Variants in PLCB3 observed in about 807,000 individuals in gnomAD.
PLCB3 encodes the protein phospholipase C beta 3, also known as 1-phosphatidylinositol 4,5-bisphosphate phosphodiesterase beta-3.
In PLCB3, 54 loss-of-function variants were observed where a neutral mutation model predicts 152.1. That is an observed-to-expected ratio of 0.36 (90% CI 0.29 to 0.45). The LOEUF (loss-of-function observed/expected upper bound fraction) is 0.45, where lower values mean the gene tolerates loss of function less well. PLCB3 is among the 20% of genes least tolerant of loss of function. PLCB3 has a pLI of 1.00. For missense variants in PLCB3, 1,248 were observed against 1,687.5 expected, an observed-to-expected ratio of 0.74 and a Z score of 4.56; for synonymous variants, 717 against 698.7, an observed-to-expected ratio of 1.03 and a Z score of -0.41.
chr11:64,257,864 T>G (rs532484583), intron 10 of PLCB3, among the ~76,000 whole-genome samples: 1 of 151,998 alleles, frequency 6.6e-6, no homozygotes, highest in African/African-American at 2.4e-5. Flanking sequence ...CTATAGAGAT[T>G]GGATTGAGGC....
chr11:64,252,726 G>T (rs1393319315), intron 1 of PLCB3, among the ~76,000 whole-genome samples: 3 of 152,154 alleles, frequency 2.0e-5, no homozygotes, highest in African/African-American at 7.2e-5. Context: ...CTCCCCCCAG[G>T]CTGGCCTGAA....
Position 64,258,397 on chromosome 11 carries a change from C to T in PLCB3, c.1013-76C>T. ...GAGCCCTCTGCAAATCCAGCATGTCCTGGTTCCAGGTGGGGCCGGGGTGGT... is the reference window on the plus strand; with the variant it reads ...GAGCCCTCTGCAAATCCAGCATGTCTTGGTTCCAGGTGGGGCCGGGGTGGT... On this transcript the variant is annotated intron_variant, in intron 10 of 30. Coordinates refer to ENST00000279230, the MANE Select transcript of PLCB3 (RefSeq NM_000932.5). The surrounding 1 kb of genome is among the most constrained non-coding windows in gnomAD (Gnocchi z 7.2). 1.3e-6 allele frequency: 2 copies of T among 1,532,868 alleles called. No homozygotes were observed. Among genetic ancestry groups the T allele is most frequent in the Non-Finnish European group, 1.8e-6 (2 of 1,136,046 alleles). The allele number at this position is 1,532,868 out of a possible 1,614,324, so 95.0% of individuals were successfully genotyped here.
Position 64,265,124 on chromosome 11 carries a change from G to C in PLCB3, c.2806+20G>C. The C allele has an allele frequency of 1.3e-6, 2 of 1,552,068 alleles. No individual in the cohort carries two copies. Among genetic ancestry groups the C allele is most frequent in the Non-Finnish European group, 1.7e-6 (2 of 1,145,486 alleles). ...GCCCAGGTAAGGAGTGGCCTGGGTC[G>C]GGGGTGGGCTGCAGGGAGGCACCCC... On this transcript the variant is annotated intron_variant, in intron 23 of 30. Transcript: ENST00000279230.
intron 14 of PLCB3, 75 bp downstream of exon 14, chr11:64,260,309 C>G (rs573245653): frequency 9.7e-7 from 1 of 1,026,900 alleles, no homozygotes; most frequent in Admixed American, 2.5e-5. Flanking sequence ...TGACCATCAA[C>G]AAGACTGACA....
Position 64,255,674 on chromosome 11 carries a change from G to C in PLCB3, c.598-47G>C. On this transcript the variant is annotated intron_variant, in intron 7 of 30. Transcript: ENST00000279230. The surrounding 1 kb of genome is among the most constrained non-coding windows in gnomAD (Gnocchi z 6.8). ...TGTCACGGTGGGCACCCACCCTTACGGGGCTGCCCGCCCCTGGCTTCTCAC... is the reference window on the plus strand; with the variant it reads ...TGTCACGGTGGGCACCCACCCTTACCGGGCTGCCCGCCCCTGGCTTCTCAC... 1 of 1,608,740 alleles carries C rather than the reference G, an allele frequency of 6.2e-7. No homozygotes were observed. Among genetic ancestry groups the C allele is most frequent in the South Asian group, 1.1e-5 (1 of 91,008 alleles).
intron 10 of PLCB3, 110 bp downstream of exon 10, chr11:64,256,874 G>A: frequency 8.1e-7 from 1 of 1,227,590 alleles, no homozygotes; most frequent in South Asian, 1.4e-5. Context: ...TCATTGGCCA[G>A]TGCTGGGGAT....
intron 19 of PLCB3, chr11:64,263,242 ACTGT>A: frequency 1.8e-6 from 1 of 556,994 alleles, no homozygotes; most frequent in South Asian, 2.3e-5. Flanking sequence ...AATGACCAGA[ACTGT>A]CTGTGGGGGC....
At chr11:64,251,875 C>CCA in intron 1 of PLCB3, 127 bp downstream of exon 1, 1 of 483,968 alleles carries the variant, frequency 2.1e-6, no homozygotes, top group Non-Finnish European at 3.5e-6. Flanking sequence ...TCTGGCGGCG[C>CCA]CCCGGAAACT....
At chr11:64,259,447 C>A (rs2031729129) in intron 13 of PLCB3, among the ~76,000 whole-genome samples, 2 of 152,198 alleles carry the variant, frequency 1.3e-5, no homozygotes, top group African/African-American at 4.8e-5. Flanking sequence ...TCTCACCCAG[C>A]TGCACCCCAA....
Position 64,263,695 on chromosome 11 carries a change from C to T in PLCB3, c.2460C>T (p.Tyr820=), listed in dbSNP as rs1391371400. 3 of 1,613,122 alleles carry T rather than the reference C, an allele frequency of 1.9e-6. No individual in the cohort carries two copies. The highest frequency in any genetic ancestry group is 2.7e-5 in the African/African-American group (2 of 74,940). The change falls in exon 21 of 31, where the codon TAC becomes TAT. Residue 820 remains tyrosine, a synonymous_variant. Coordinates refer to ENST00000279230, the MANE Select transcript of PLCB3 (RefSeq NM_000932.5). ...ILPVSAIRSG[Y]HYVCLRNEAN... ...GTTGCCTTCCTGACCACCCAGGATA[C>T]CACTACGTCTGCCTGCGGAACGAGG...
rs1159510595 is a variant in PLCB3, at chr11:64,258,741, A to G, written c.1253+28A>G. On this transcript the variant is annotated intron_variant, in intron 11 of 30. Coordinates refer to ENST00000279230, the MANE Select transcript of PLCB3 (RefSeq NM_000932.5). The surrounding 1 kb of genome is among the most constrained non-coding windows in gnomAD (Gnocchi z 7.2). ...GAGTGAGCCCCTGGCATGAAACCCC[A>G]TGGACCGGGGGACAGTCTTCCAGCT... 1 of 1,611,844 alleles carries G rather than the reference A, an allele frequency of 6.2e-7. No homozygotes were observed. The highest frequency in any genetic ancestry group is 8.5e-7 in the Non-Finnish European group (1 of 1,178,618).
At position 64,267,145 on chromosome 11, in the gene PLCB3, C is replaced by A; in HGVS notation, c.3415-40C>A. 1.3e-6 allele frequency: 2 copies of A among 1,531,990 alleles called. No homozygotes were observed. Among genetic ancestry groups the A allele is most frequent in the Non-Finnish European group, 1.8e-6 (2 of 1,131,576 alleles). 94.9% of individuals were successfully genotyped at this position (1,531,990 alleles called of 1,614,324 possible). ...CAGAGCCTCGAGGCTCTAGCCCCTC[C>A]CTCAGGGCCCCTCAGCTGAGCCCTT... On this transcript the variant is annotated intron_variant, in intron 29 of 30. Transcript: ENST00000279230. The surrounding 1 kb of genome is among the most constrained non-coding windows in gnomAD (Gnocchi z 5.2).
chr11:64,255,118 T>G lies in PLCB3; in HGVS notation c.387+80T>G. The G allele has an allele frequency of 1.3e-6, 2 of 1,541,604 alleles. No homozygotes were observed. The highest frequency in any genetic ancestry group is 3.4e-5 in the Admixed American group (2 of 59,128). On this transcript the variant is annotated intron_variant, in intron 4 of 30. Coordinates refer to ENST00000279230, the MANE Select transcript of PLCB3 (RefSeq NM_000932.5). The surrounding 1 kb of genome is among the most constrained non-coding windows in gnomAD (Gnocchi z 6.8). ...GCCGTCACTTACCGAACACCTGCTG[T>G]GTTCTAGGCTGCTCTGTGACCTACT...
chr11:64,263,889 G>T, intron 21 of PLCB3, 94 bp downstream of exon 21: 1 of 1,205,662 alleles, frequency 8.3e-7, no homozygotes, highest in Non-Finnish European at 1.2e-6. Context: ...GGATGGCCCC[G>T]ACTGAGTAGG....
chr11:64,263,775 A>G lies in PLCB3; in HGVS notation c.2540A>G (p.Tyr847Cys). 1 of 1,613,098 alleles carries G rather than the reference A, an allele frequency of 6.2e-7. No individual in the cohort carries two copies. Among genetic ancestry groups the G allele is most frequent in the Non-Finnish European group, 8.5e-7 (1 of 1,179,808 alleles). ...ALLIYTEASD[Y>C]IPDDHQDYAE... ...CTCATCTACACCGAAGCCTCGGACTACATTCCTGACGACCACCAGGGTGAG... is the reference window on the plus strand; with the variant it reads ...CTCATCTACACCGAAGCCTCGGACTGCATTCCTGACGACCACCAGGGTGAG... The change falls in exon 21 of 31, where the codon TAC (tyrosine) becomes TGC (cysteine). Residue 847 changes from tyrosine (Y) to cysteine (C), a missense_variant. Coordinates refer to ENST00000279230, the MANE Select transcript of PLCB3 (RefSeq NM_000932.5).
chr11:64,267,746 G>A lies in PLCB3; in HGVS notation c.*190G>A. ...CCCCTCCTTCCTGCCCTCAGTCTTA[G>A]GTTAGGGCCTTGGTCAGGGCTTTGC... On this transcript the variant is annotated 3_prime_UTR_variant, in exon 31 of 31. Transcript: ENST00000279230. The surrounding 1 kb of genome is among the most constrained non-coding windows in gnomAD (Gnocchi z 5.2). The A allele has an allele frequency of 3.5e-6, 2 of 578,558 alleles. No homozygotes were observed. The highest frequency in any genetic ancestry group is 6.0e-6 in the Non-Finnish European group (2 of 331,502). The allele number at this position is 578,558 out of a possible 1,614,324, so 35.8% of individuals were successfully genotyped here.
At position 64,255,476 on chromosome 11, in the gene PLCB3, C is replaced by T. The variant is rs2031474534; in HGVS notation, c.521+27C>T. 1 of 1,614,086 alleles carries T rather than the reference C, an allele frequency of 6.2e-7. No individual in the cohort carries two copies. ...TGAGCACCCCTTCCCCCAGCACCTT[C>T]CTCCTGCCCTGACCTTGGTGACCTT... On this transcript the variant is annotated intron_variant, in intron 6 of 30. Transcript: ENST00000279230. The surrounding 1 kb of genome is among the most constrained non-coding windows in gnomAD (Gnocchi z 6.8).
rs999486830 is a variant in PLCB3, at chr11:64,266,876, T to C, written c.3415-309T>C. ...GTGCAGTGGCGCGATCTTGGCTCAC[T>C]GCAACCTCTTGGGTTCAAGCAATTC... On this transcript the variant is annotated intron_variant, in intron 29 of 30. Coordinates refer to ENST00000279230, the MANE Select transcript of PLCB3 (RefSeq NM_000932.5). This position sits in a 1 kb window ranked among gnomAD's most constrained non-coding sequence, Gnocchi z 4.9. 1.3e-5 allele frequency among the ~76,000 whole-genome samples: 2 copies of C among 152,058 alleles called. No individual in the cohort carries two copies. The highest frequency in any genetic ancestry group is 2.9e-5 in the Non-Finnish European group (2 of 67,982).
chr11:64,265,256 G>C (rs1264143678), intron 24 of PLCB3, 29 bp downstream of exon 24: 1 of 1,590,414 alleles, frequency 6.3e-7, no homozygotes, highest in Non-Finnish European at 8.6e-7. Context: ...GGAGGCAGGG[G>C]GCTGCCTTGC....
Sources: gnomAD v4.1 joint callset for allele counts (sites outside exome capture counted in the v4.1 genomes callset) on GRCh38, gnomAD v4.1.1 for gene constraint, Gnocchi (gnomAD v3.1) non-coding constraint, MANE v1.5 for transcripts, NCBI Gene and HGNC (gene_info 2026-07-23, HGNC 2026-07-21) for gene names.